The following OSBPL3 variants were observed in gnomAD, a reference collection of about 807,000 sequenced individuals.
The protein encoded by OSBPL3 is oxysterol binding protein like 3, also known as oxysterol-binding protein-related protein 3.
OSBPL3 carries 65 observed loss-of-function variants against 120.1 expected under a neutral mutation model. The observed-to-expected ratio is 0.54, with a 90% CI of 0.44 to 0.67. The LOEUF (loss-of-function observed/expected upper bound fraction) is 0.67. Among genes scored for constraint, OSBPL3 ranks in the 30% least tolerant of loss-of-function variants. OSBPL3 has a pLI of 0.00. For missense variants in OSBPL3, 1,004 were observed against 1,082.1 expected (o/e 0.93, Z 1.01); for synonymous variants, 416 against 402.6 (o/e 1.03, Z -0.40).
At chr7:24,906,262 T>G in intron 1 of OSBPL3, 2 of 271,186 alleles carry the variant, frequency 7.4e-6, no homozygotes, top group Non-Finnish European at 1.5e-5. Context: ...ACTGGCATCA[T>G]CCCAGGAGGA....
Position 24,917,937 on chromosome 7 carries a change from TTC to T in OSBPL3, c.-149-25318_-149-25317del, listed in dbSNP as rs781154972. 7.9e-5 allele frequency: 17 copies of T among 214,932 alleles called. 1 individual carries two copies. Among genetic ancestry groups the T allele is most frequent in the Admixed American group, 4.6e-4 (7 of 15,366 alleles). 13.3% of individuals were successfully genotyped at this position (214,932 alleles called of 1,614,324 possible). A position where few individuals can be genotyped will look rare whatever the true frequency, so the allele number is the denominator to read the frequency against. ...CAAATCTATTTGATAATGGAATCCA[TTC>T]TCTGAGGCAACACTTACCCATTTAC... On this transcript the variant is annotated intron_variant, in intron 1 of 22. Coordinates refer to ENST00000313367, the MANE Select transcript of OSBPL3 (RefSeq NM_015550.4).
chr7:24,888,468 A>G (rs1210962747), intron 2 of OSBPL3, among the ~76,000 whole-genome samples: 1 of 152,112 alleles, frequency 6.6e-6, no homozygotes, highest in Admixed American at 6.5e-5. Flanking sequence ...TTTCTCCTCA[A>G]ATTATCTTGA....
Position 24,820,152 on chromosome 7 carries a change from A to T in OSBPL3, c.1948+23T>A, listed in dbSNP as rs779852744. 1 of 1,480,562 alleles carries T rather than the reference A, an allele frequency of 6.8e-7. No individual in the cohort carries two copies. 91.7% of individuals were successfully genotyped at this position (1,480,562 alleles called of 1,614,324 possible). Reference sequence around the variant, plus strand: ...ATAACATATTACACAATATGATGGAAGTAAAATGTATTAGCACATTACCTT... The same window carrying T: ...ATAACATATTACACAATATGATGGATGTAAAATGTATTAGCACATTACCTT... On this transcript the variant is annotated intron_variant, in intron 17 of 22. Coordinates refer to ENST00000313367, the MANE Select transcript of OSBPL3 (RefSeq NM_015550.4). The surrounding 1 kb of genome is among the most constrained non-coding windows in gnomAD (Gnocchi z 4.6).
chr7:24,810,592 A>G (rs1376770157), intron 19 of OSBPL3, among the ~76,000 whole-genome samples: 1 of 152,180 alleles, frequency 6.6e-6, no homozygotes, highest in Non-Finnish European at 1.5e-5. Context: ...TATACAACAC[A>G]GTTATTAATT....
At chr7:24,921,585 C>T (rs1444666137) in intron 1 of OSBPL3, among the ~76,000 whole-genome samples, 1 of 152,196 alleles carries the variant, frequency 6.6e-6, no homozygotes, top group East Asian at 1.9e-4. Flanking sequence ...AGCATCCTGG[C>T]TGCAGCAGCA....
rs153 is a variant in OSBPL3 at position 24,955,217 on chromosome 7, C to G, written c.-150+24669G>C. ...TTAATAAAGTTATAGTTCAATCATT[C>G]ATGAATTTGCTGAAAGCCAGTAGCA... On this transcript the variant is annotated intron_variant, in intron 1 of 22. Coordinates refer to ENST00000313367, the MANE Select transcript of OSBPL3 (RefSeq NM_015550.4). The surrounding 1 kb of genome is among the most constrained non-coding windows in gnomAD (Gnocchi z 4.3). Among the ~76,000 whole-genome samples the G allele has an allele frequency of 0.019, 2,903 of 152,302 alleles. 50 individuals are homozygous for G. Among genetic ancestry groups the G allele is most frequent in the Middle Eastern group, 0.031 (9 of 294 alleles).
In OSBPL3 at chr7:24,820,356, ACTT is replaced by A. The variant is rs950875528; in HGVS notation, c.1885-121_1885-119del. The A allele has an allele frequency of 5.7e-6, 4 of 695,898 alleles. No individual in the cohort carries two copies. Among genetic ancestry groups the A allele is most frequent in the African/African-American group, 5.5e-5 (3 of 54,996 alleles). 43.1% of individuals were successfully genotyped at this position (695,898 alleles called of 1,614,324 possible). ...CGTGCAATGCTGAACTGAAGGAAAA[ACTT>A]CTTTAGTTTCCCTCATCAAGTGTGT... On this transcript the variant is annotated intron_variant, in intron 16 of 22. Coordinates refer to ENST00000313367, the MANE Select transcript of OSBPL3 (RefSeq NM_015550.4). The surrounding 1 kb of genome is among the most constrained non-coding windows in gnomAD (Gnocchi z 4.6).
chr7:24,892,535 G>A lies in OSBPL3; in HGVS notation c.-63C>T, dbSNP rs2128342355. ...CCATCAGATGACAAGGGAGCCGAGA[G>A]TATGGAAGTCCCCAGTGGCAGGTGG... On this transcript the variant is annotated 5_prime_UTR_variant, in exon 2 of 23. Coordinates refer to ENST00000313367, the MANE Select transcript of OSBPL3 (RefSeq NM_015550.4). 1 of 1,574,638 alleles carries A rather than the reference G, an allele frequency of 6.4e-7. No individual in the cohort carries two copies. The highest frequency in any genetic ancestry group is 8.7e-7 in the Non-Finnish European group (1 of 1,151,694).
At chr7:24,810,942 G>A (rs926140468) in intron 19 of OSBPL3, among the ~76,000 whole-genome samples, 1 of 152,176 alleles carries the variant, frequency 6.6e-6, no homozygotes, top group African/African-American at 2.4e-5. Context: ...TGGACACTTA[G>A]GCTGTTTCCC....
Position 24,911,677 on chromosome 7 carries a change from C to A in OSBPL3, c.-149-19056G>T, listed in dbSNP as rs541751691. On this transcript the variant is annotated intron_variant, in intron 1 of 22. Coordinates refer to ENST00000313367, the MANE Select transcript of OSBPL3 (RefSeq NM_015550.4). ...TCCCCAAGATATATTTTGGAGGTATCCTTCCAAAACTGCAGGGGCGATAAT... is the reference window on the plus strand; with the variant it reads ...TCCCCAAGATATATTTTGGAGGTATACTTCCAAAACTGCAGGGGCGATAAT... 4.5e-4 allele frequency among the ~76,000 whole-genome samples: 69 copies of A among 152,226 alleles called. 1 individual carries two copies. In the South Asian group the frequency reaches 0.011, roughly 25 times the overall value.
rs1465375025 is a variant in OSBPL3, at chr7:24,805,353, G to A, written c.2445-916C>T. Among the ~76,000 whole-genome samples, 2 of 152,090 alleles carry A rather than the reference G, an allele frequency of 1.3e-5. No homozygotes were observed. Among genetic ancestry groups the A allele is most frequent in the Admixed American group, 6.6e-5 (1 of 15,262 alleles). On this transcript the variant is annotated intron_variant, in intron 21 of 22. Transcript: ENST00000313367. The surrounding 1 kb of genome is among the most constrained non-coding windows in gnomAD (Gnocchi z 4.0). Reference sequence around the variant, plus strand: ...ATTAAGGCTGAGCATCTTTTCACATGCTTAAGGGATATCTGCATTTCCTAT... The same window carrying A: ...ATTAAGGCTGAGCATCTTTTCACATACTTAAGGGATATCTGCATTTCCTAT...
rs1795282569 is a variant in OSBPL3 at position 24,822,900 on chromosome 7, G to T, written c.1885-2662C>A. Among the ~76,000 whole-genome samples, 1 of 152,180 alleles carries T rather than the reference G, an allele frequency of 6.6e-6. No individual in the cohort carries two copies. Among genetic ancestry groups the T allele is most frequent in the Non-Finnish European group, 1.5e-5 (1 of 68,040 alleles). ...TGGGTTCAACACATTTTCTGAATAA[G>T]TCTCAACCTTCAAATATCAGTAACT... On this transcript the variant is annotated intron_variant, in intron 16 of 22. Transcript: ENST00000313367. This position sits in a 1 kb window ranked among gnomAD's most constrained non-coding sequence, Gnocchi z 5.8.
In OSBPL3 at chr7:24,862,609, T is replaced by G. The variant is rs1046384730; in HGVS notation, c.870+591A>C. ...CCAAAAGCTTGAGATTTATGTTGAT[T>G]CTAAAACTGTTGCAATTAATATGCA... On this transcript the variant is annotated intron_variant, in intron 9 of 22. Transcript: ENST00000313367. The surrounding 1 kb of genome is among the most constrained non-coding windows in gnomAD (Gnocchi z 4.4). Among the ~76,000 whole-genome samples the G allele has an allele frequency of 1.3e-5, 2 of 152,196 alleles. No homozygotes were observed. Among genetic ancestry groups the G allele is most frequent in the African/African-American group, 2.4e-5 (1 of 41,450 alleles).
In OSBPL3 at chr7:24,803,606, A is replaced by G. The variant is rs1792646256; in HGVS notation, c.2567+709T>C. ...GCCAACAAGGTGAAACCCCGTCTCTACTAAAAATACAAAAATTAGCCGGGC... is the reference window on the plus strand; with the variant it reads ...GCCAACAAGGTGAAACCCCGTCTCTGCTAAAAATACAAAAATTAGCCGGGC... On this transcript the variant is annotated intron_variant, in intron 22 of 22. Coordinates refer to ENST00000313367, the MANE Select transcript of OSBPL3 (RefSeq NM_015550.4). The surrounding 1 kb of genome is among the most constrained non-coding windows in gnomAD (Gnocchi z 4.2). Among the ~76,000 whole-genome samples the G allele has an allele frequency of 6.6e-6, 1 of 152,066 alleles. No homozygotes were observed. Among genetic ancestry groups the G allele is most frequent in the Admixed American group, 6.6e-5 (1 of 15,250 alleles).
rs1333405362 is a variant in OSBPL3, at chr7:24,830,754, T to C, written c.1884+14A>G. On this transcript the variant is annotated intron_variant, in intron 16 of 22. Transcript: ENST00000313367. The surrounding 1 kb of genome is among the most constrained non-coding windows in gnomAD (Gnocchi z 4.4). ...GCAACCCCTCCCAACAAGCAAAAAATGGTGTACATCTACCTGTTCTGAAAA... is the reference window on the plus strand; with the variant it reads ...GCAACCCCTCCCAACAAGCAAAAAACGGTGTACATCTACCTGTTCTGAAAA... 2 of 1,590,256 alleles carry C rather than the reference T, an allele frequency of 1.3e-6. No homozygotes were observed. Among genetic ancestry groups the C allele is most frequent in the East Asian group, 2.3e-5 (1 of 44,440 alleles).
intron 1 of OSBPL3, among the ~76,000 whole-genome samples, chr7:24,961,119 C>T (rs75066200): frequency 0.03 from 4,519 of 152,214 alleles, 226 homozygotes; most frequent in African/African-American, 0.1. Context: ...TAACCACTAA[C>T]AATGTAAGCT....
chr7:24,981,192 A>G (rs549543728), upstream of OSBPL3, among the ~76,000 whole-genome samples: 63 of 152,326 alleles, frequency 4.1e-4, no homozygotes, highest in African/African-American at 1.5e-3. The surrounding 1 kb of genome is among the most constrained non-coding windows in gnomAD (Gnocchi z 7.3). Flanking sequence ...GACTGTTAGT[A>G]CTGAGAGGAG....
In OSBPL3 at chr7:24,808,066, A is replaced by G. The variant is rs1391012704; in HGVS notation, c.2318-1164T>C. ...TAGATGCACACCACCATGCCTGGCT[A>G]ATCTTTGTATTTTTAGTAGAGATGA... On this transcript the variant is annotated intron_variant, in intron 20 of 22. Coordinates refer to ENST00000313367, the MANE Select transcript of OSBPL3 (RefSeq NM_015550.4). The surrounding 1 kb of genome is among the most constrained non-coding windows in gnomAD (Gnocchi z 4.6). Among the ~76,000 whole-genome samples, 3 of 152,082 alleles carry G rather than the reference A, an allele frequency of 2.0e-5. No individual in the cohort carries two copies. The highest frequency in any genetic ancestry group is 6.6e-5 in the Admixed American group (1 of 15,266).
At chr7:24,931,981 C>T (rs1368383539) in intron 1 of OSBPL3, among the ~76,000 whole-genome samples, 5 of 152,174 alleles carry the variant, frequency 3.3e-5, no homozygotes, top group Admixed American at 2.6e-4. Context: ...GCTGTGTCAT[C>T]GCGTAAACAC....
Sources: gnomAD v4.1 joint callset for allele counts (sites outside exome capture counted in the v4.1 genomes callset) on GRCh38, gnomAD v4.1.1 for gene constraint, Gnocchi (gnomAD v3.1) non-coding constraint, MANE v1.5 for transcripts, NCBI Gene and HGNC (gene_info 2026-07-23, HGNC 2026-07-21) for gene names.